The following PDCL3 variants were observed in gnomAD, a reference collection of about 807,000 sequenced individuals.
The protein encoded by PDCL3 is phosducin like 3.
A neutral mutation model predicts 26.5 loss-of-function variants in PDCL3; 22 were observed. The observed-to-expected ratio is 0.83, with a 90% CI of 0.59 to 1.19. The LOEUF (loss-of-function observed/expected upper bound fraction) is 1.19, where lower values mean the gene tolerates loss of function less well. Ranked by LOEUF, PDCL3 falls within the 50% of genes most tolerant of loss-of-function variation. The probability of loss-of-function intolerance (pLI) is 0.00; values close to 1 mark genes in which losing one functional copy is unlikely to be tolerated. For synonymous variants in PDCL3, 81 were observed against 104.9 expected (o/e 0.77, Z 1.39); for missense variants, 246 against 294.1 (o/e 0.84, Z 1.20).
intron 1 of PDCL3, chr2:100,563,599 C>T (rs1274334232): frequency 1.3e-5 from 2 of 150,758 alleles, no homozygotes; most frequent in African/African-American, 4.9e-5. Context: ...CAGAGCTCCC[C>T]GCGAGGGTCC....
At position 100,576,586 on chromosome 2, in the gene PDCL3, T is replaced by A; in HGVS notation, c.*90T>A. The A allele has an allele frequency of 7.8e-7, 1 of 1,278,052 alleles. No homozygotes were observed. Among genetic ancestry groups the A allele is most frequent in the Non-Finnish European group, 1.0e-6 (1 of 987,616 alleles). 79.2% of individuals were successfully genotyped at this position (1,278,052 alleles called of 1,614,324 possible). On this transcript the variant is annotated 3_prime_UTR_variant, in exon 6 of 6. Transcript: ENST00000264254. ...AAAAAGCAAGAATGAATCCTTGTGG[T>A]TTTTAGTTTTGTATAAATTATGTTT... is the stretch of plus-strand genomic sequence containing the variant.
chr2:100,573,130 G>A (rs1181867322), intron 5 of PDCL3, among the ~76,000 whole-genome samples: 5 of 151,118 alleles, frequency 3.3e-5, no homozygotes, highest in Admixed American at 2.6e-4. Flanking sequence ...TGATCTGCCC[G>A]CCACAGCCTC....
chr2:100,563,000 C>G lies in PDCL3; in HGVS notation c.-68C>G. 6.4e-7 allele frequency: 1 copy of G among 1,566,588 alleles called. No individual in the cohort carries two copies. Among genetic ancestry groups the G allele is most frequent in the Admixed American group, 1.9e-5 (1 of 52,394 alleles). Reference sequence around the variant, plus strand: ...GAGGCGTGGCGGCGCTGTGCGCGTGCACAAAAGAGAGCTGAGGGGCGGGGG... The same window carrying G: ...GAGGCGTGGCGGCGCTGTGCGCGTGGACAAAAGAGAGCTGAGGGGCGGGGG... On this transcript the variant is annotated 5_prime_UTR_variant, in exon 1 of 6. Coordinates refer to ENST00000264254, the MANE Select transcript of PDCL3 (RefSeq NM_024065.5).
chr2:100,575,204 C>T (rs548732872), intron 5 of PDCL3, among the ~76,000 whole-genome samples: 9 of 152,102 alleles, frequency 5.9e-5, no homozygotes, highest in Middle Eastern at 3.2e-3. Flanking sequence ...GGCGCGATCT[C>T]GGCTCACTGC....
At chr2:100,568,003 T>A (rs62155213) in intron 2 of PDCL3, among the ~76,000 whole-genome samples, 2 of 151,704 alleles carry the variant, frequency 1.3e-5, no homozygotes, top group Non-Finnish European at 2.9e-5. Context: ...TTTGTAGCGA[T>A]GAGGTTTCAC....
At chr2:100,572,009 C>A (rs956941120) in intron 5 of PDCL3, 2 of 563,358 alleles carry the variant, frequency 3.6e-6, no homozygotes, top group Non-Finnish European at 6.3e-6. Context: ...TCAAGGAAGG[C>A]GTGATAGACT....
At chr2:100,565,122 T>G (rs561748896) in intron 1 of PDCL3, among the ~76,000 whole-genome samples, 1 of 152,264 alleles carries the variant, frequency 6.6e-6, no homozygotes, top group South Asian at 2.1e-4. Flanking sequence ...ATTACGGGCG[T>G]GCACCTGGCT....
intron 5 of PDCL3, among the ~76,000 whole-genome samples, chr2:100,575,635 A>G (rs1328245635): frequency 6.6e-6 from 1 of 152,162 alleles, no homozygotes; most frequent in African/African-American, 2.4e-5. Context: ...TTAAGAGTGA[A>G]GTATTGGAGC....
intron 5 of PDCL3, 133 bp downstream of exon 5, chr2:100,571,931 C>T (rs1675184896): frequency 2.8e-6 from 1 of 360,440 alleles, no homozygotes; most frequent in African/African-American, 3.9e-5. Context: ...AGGACGGAAG[C>T]ACGTTTAATC....
chr2:100,575,364 A>C (rs9653465), intron 5 of PDCL3, among the ~76,000 whole-genome samples: 1 of 152,014 alleles, frequency 6.6e-6, no homozygotes, highest in South Asian at 2.1e-4. Flanking sequence ...CTCGATCTCC[A>C]GACTTCGTGA....
chr2:100,564,830 G>A (rs1014955444), intron 1 of PDCL3, among the ~76,000 whole-genome samples: 1 of 152,190 alleles, frequency 6.6e-6, no homozygotes, highest in South Asian at 2.1e-4. Flanking sequence ...TTTGATGCTG[G>A]CTGATTTGGC....
At position 100,566,560 on chromosome 2, in the gene PDCL3, C is replaced by A; in HGVS notation, c.64C>A (p.Pro22Thr). ...DILRKKGILP[P>T]KESLKELEEE... ...CTTACGCAAAAAGGGTATCTTACCC[C>A]CCAAGGAAAGTCTGAAAGAATTGGA... The change falls in exon 2 of 6, where the codon CCC (proline) becomes ACC (threonine). Residue 22 changes from proline (P) to threonine (T), a missense_variant. Transcript: ENST00000264254. 6.2e-7 allele frequency: 1 copy of A among 1,613,836 alleles called. No individual in the cohort carries two copies. The highest frequency in any genetic ancestry group is 1.1e-5 in the South Asian group (1 of 91,058).
chr2:100,571,008 C>A (rs1675157224), intron 4 of PDCL3, among the ~76,000 whole-genome samples: 1 of 147,582 alleles, frequency 6.8e-6, no homozygotes, highest in African/African-American at 2.5e-5. Flanking sequence ...TGGTGGCTTA[C>A]ACCTGTAATA....
intron 5 of PDCL3, among the ~76,000 whole-genome samples, chr2:100,573,161 A>T (rs2104396870): frequency 6.6e-6 from 1 of 151,396 alleles, no homozygotes; most frequent in Middle Eastern, 3.4e-3. Context: ...GAGATTACAG[A>T]TGTGAGCCAC....
At chr2:100,563,243 C>T (rs1431635301) in intron 1 of PDCL3, 170 bp downstream of exon 1, 3 of 684,950 alleles carry the variant, frequency 4.4e-6, no homozygotes, top group Non-Finnish European at 6.8e-6. Flanking sequence ...CGGGCGTGGT[C>T]CCACCAGGAC....
chr2:100,565,325 A>G (rs1675040852), intron 1 of PDCL3, among the ~76,000 whole-genome samples: 2 of 142,444 alleles, frequency 1.4e-5, no homozygotes, highest in Admixed American at 1.5e-4. Context: ...CCCAGGCTGG[A>G]GTGCAGCGGC....
chr2:100,566,049 G>A (rs568507737), intron 1 of PDCL3, among the ~76,000 whole-genome samples: 50 of 152,184 alleles, frequency 3.3e-4, no homozygotes, highest in Admixed American at 1.6e-3. Context: ...GACTACAGGT[G>A]CCCGCCACCA....
chr2:100,567,915 C>T (rs1324643184), intron 2 of PDCL3, among the ~76,000 whole-genome samples: 1 of 152,078 alleles, frequency 6.6e-6, no homozygotes, highest in Non-Finnish European at 1.5e-5. Flanking sequence ...CTCCGCCTCC[C>T]AGGTTCAAGC....
At chr2:100,576,221 C>A in intron 5 of PDCL3, 133 bp from the exon 6 acceptor site, 1 of 916,022 alleles carries the variant, frequency 1.1e-6, no homozygotes, top group Non-Finnish European at 1.6e-6. Flanking sequence ...GGATTACAGG[C>A]GTGAGCCATT....
Sources: gnomAD v4.1 joint callset for allele counts (sites outside exome capture counted in the v4.1 genomes callset) on GRCh38, gnomAD v4.1.1 for gene constraint, MANE v1.5 for transcripts, NCBI Gene and HGNC (gene_info 2026-07-23, HGNC 2026-07-21) for gene names.